PTCH1: variants seen among roughly 807,000 people sequenced by gnomAD.
PTCH1 encodes the protein protein patched homolog 1.
Under a neutral mutation model 144.6 loss-of-function variants are expected in PTCH1, and 14 were observed. That is an observed-to-expected ratio of 0.10 (90% CI 0.06 to 0.15). PTCH1 has a LOEUF of 0.15. Among genes scored for constraint, PTCH1 ranks in the 10% least tolerant of loss-of-function variants. The probability of loss-of-function intolerance (pLI) is 1.00; values close to 1 mark genes in which losing one functional copy is unlikely to be tolerated. For synonymous variants in PTCH1, 833 were observed against 793.6 expected (o/e 1.05, Z -0.83); for missense variants, 1,623 against 1,948.3 (o/e 0.83, Z 3.14).
chr9:95,463,210 C>T (rs1239266578), intron 15 of PTCH1, among the ~76,000 whole-genome samples: 1 of 152,050 alleles, frequency 6.6e-6, no homozygotes, highest in Non-Finnish European at 1.5e-5. Flanking sequence ...AATGGTTAAG[C>T]TCTTGGGGTC....
At chr9:95,511,489 G>T (rs1315962427), upstream of PTCH1, among the ~76,000 whole-genome samples, 1 of 152,196 alleles carries the variant, frequency 6.6e-6, no homozygotes, top group African/African-American at 2.4e-5. Flanking sequence ...GTTTGGGGGC[G>T]TTCGCGGGAT....
chr9:95,467,048 A>G, intron 15 of PTCH1, 68 bp downstream of exon 15: 1 of 1,525,546 alleles, frequency 6.6e-7, no homozygotes, highest in Non-Finnish European at 9.1e-7. Flanking sequence ...CATAATCATG[A>G]CAAAGGAACC....
At position 95,508,453 on chromosome 9, in the gene PTCH1, G is replaced by C. The variant is rs1587701598; in HGVS notation, c.-92C>G. On this transcript the variant is annotated 5_prime_UTR_variant, in exon 1 of 24. Coordinates refer to ENST00000331920, the MANE Select transcript of PTCH1 (RefSeq NM_000264.5). ...GCTGCTGCGGGCTCCTGGCGCGCCTGGGCGCTCGGCTTGCGAGGACGCTGC... is the reference window on the plus strand; with the variant it reads ...GCTGCTGCGGGCTCCTGGCGCGCCTCGGCGCTCGGCTTGCGAGGACGCTGC... 9.7e-7 allele frequency: 1 copy of C among 1,026,362 alleles called. No individual in the cohort carries two copies. The highest frequency in any genetic ancestry group is 1.7e-5 in the African/African-American group (1 of 58,040). The allele number at this position is 1,026,362 out of a possible 1,614,324, so 63.6% of individuals were successfully genotyped here. A position where few individuals can be genotyped will look rare whatever the true frequency, so the allele number is the denominator to read the frequency against.
intron 2 of PTCH1, among the ~76,000 whole-genome samples, chr9:95,498,048 G>C (rs1842905231): frequency 1.3e-5 from 2 of 152,130 alleles, no homozygotes; most frequent in African/African-American, 4.8e-5. Context: ...GGGGCCAGAA[G>C]CCCTTAAGCA....
intron 1 of PTCH1, 158 bp downstream of exon 1, chr9:95,508,003 C>T: frequency 6.6e-6 from 10 of 1,518,054 alleles, no homozygotes; most frequent in Non-Finnish European, 7.9e-6. Context: ...ATTTTTCAAT[C>T]CCCATTTGTC....
At chr9:95,456,071 A>G (rs1301700919) in intron 19 of PTCH1, among the ~76,000 whole-genome samples, 2 of 152,124 alleles carry the variant, frequency 1.3e-5, no homozygotes, top group Non-Finnish European at 1.5e-5. Flanking sequence ...GCCCGCTGCC[A>G]TGTACCTTCC....
chr9:95,456,587 A>C (rs981153581), intron 18 of PTCH1, among the ~76,000 whole-genome samples, 174 bp from the exon 19 acceptor site: 3 of 152,218 alleles, frequency 2.0e-5, no homozygotes, highest in African/African-American at 7.2e-5. Flanking sequence ...CCCGCTGGGA[A>C]GGGAGACTGT....
chr9:95,455,181 G>GT (rs1185143324), intron 19 of PTCH1, among the ~76,000 whole-genome samples: 1 of 152,088 alleles, frequency 6.6e-6, no homozygotes, highest in Non-Finnish European at 1.5e-5. Context: ...ATGATACACT[G>GT]TAAAAAAAAT....
intron 2 of PTCH1, among the ~76,000 whole-genome samples, chr9:95,501,755 A>G (rs1423759812): frequency 6.6e-6 from 1 of 152,194 alleles, no homozygotes; most frequent in African/African-American, 2.4e-5. Context: ...TTGACAAGAA[A>G]CTTGTTCTGA....
chr9:95,516,637 T>A, exon 1 of PTCH1: 1 of 1,609,296 alleles, frequency 6.2e-7, no homozygotes, highest in Non-Finnish European at 8.5e-7. Context: ...TCGCTGCGGG[T>A]CTCTTTGTCT....
chr9:95,481,842 T>C (rs778523996), intron 5 of PTCH1, 107 bp downstream of exon 5: 15 of 1,076,006 alleles, frequency 1.4e-5, no homozygotes, highest in Non-Finnish European at 2.1e-5. Flanking sequence ...TTTCAATGTT[T>C]TTATTTCTTG....
At chr9:95,462,208 G>T (rs1455986833) in intron 15 of PTCH1, among the ~76,000 whole-genome samples, 1 of 152,068 alleles carries the variant, frequency 6.6e-6, no homozygotes, top group Non-Finnish European at 1.5e-5. Flanking sequence ...TCAAAAGGGG[G>T]GAAGGAGATT....
chr9:95,482,401 TG>T, intron 3 of PTCH1, 198 bp from the exon 4 acceptor site: 2 of 606,892 alleles, frequency 3.3e-6, no homozygotes. Flanking sequence ...GTAATTAACA[TG>T]TAGGGTGTTT....
chr9:95,482,506 A>G (rs552553523), intron 3 of PTCH1: 14 of 432,826 alleles, frequency 3.2e-5, no homozygotes, highest in African/African-American at 2.4e-4. Flanking sequence ...GCTTTTCTAC[A>G]TACATTAAAC....
chr9:95,461,380 CA>C (rs1461101494), intron 16 of PTCH1, among the ~76,000 whole-genome samples: 1 of 152,150 alleles, frequency 6.6e-6, no homozygotes, highest in Non-Finnish European at 1.5e-5. Flanking sequence ...TCAAATGTAA[CA>C]AATCTTCCCA....
Position 95,449,867 on chromosome 9 carries a change from A to G in PTCH1, c.3523T>C (p.Leu1175=). The change falls in exon 21 of 24, where the codon TTG becomes CTG. Residue 1175 remains leucine (L), a synonymous_variant. Coordinates refer to ENST00000331920, the MANE Select transcript of PTCH1 (RefSeq NM_000264.5). This position sits in a 1 kb window ranked among gnomAD's most constrained non-coding sequence, Gnocchi z 5.3. ...LNGLVLLPVL[L]SFFGPYPEVS... is the part of the protein sequence containing the mutation. ...TCAGGATATGGTCCAAAGAAAGACA[A>G]AAGCACGGGAAGCAAAACCAGCCCA... 1 of 1,614,180 alleles carries G rather than the reference A, an allele frequency of 6.2e-7. No homozygotes were observed. Among genetic ancestry groups the G allele is most frequent in the Non-Finnish European group, 8.5e-7 (1 of 1,179,996 alleles).
chr9:95,508,034 T>G, intron 1 of PTCH1, 127 bp downstream of exon 1: 2 of 1,521,166 alleles, frequency 1.3e-6, no homozygotes, highest in Non-Finnish European at 1.8e-6. Context: ...CCTGGAGAGG[T>G]GTGAGTGAGT....
At chr9:95,473,232 A>T (rs1840731571) in intron 12 of PTCH1, among the ~76,000 whole-genome samples, 2 of 152,266 alleles carry the variant, frequency 1.3e-5, no homozygotes, top group Non-Finnish European at 2.9e-5. Flanking sequence ...GGAAAAAAAT[A>T]TCTAATTATT....
chr9:95,506,419 G>A lies in PTCH1; in HGVS notation c.382C>T (p.Leu128=), dbSNP rs772674190. The A allele has an allele frequency of 8.7e-6, 14 of 1,611,122 alleles. No individual in the cohort carries two copies. The highest frequency in any genetic ancestry group is 7.7e-5 in the South Asian group (7 of 90,820). The change falls in exon 2 of 24, where the codon CTG becomes TTG. Residue 128 remains leucine (L), a synonymous_variant. Coordinates refer to ENST00000331920, the MANE Select transcript of PTCH1 (RefSeq NM_000264.5). ...CGGGCGCTCTTACCTTCCACCCACA[G>A]CTCCTCCACGTTGGTCTCGAGGTTC... ...AANLETNVEE[L]WVEVGGRVSR... is the part of the protein sequence containing the mutation.
Sources: gnomAD v4.1 joint callset for allele counts (sites outside exome capture counted in the v4.1 genomes callset) on GRCh38, gnomAD v4.1.1 for gene constraint, Gnocchi (gnomAD v3.1) non-coding constraint, MANE v1.5 for transcripts, NCBI Gene and HGNC (gene_info 2026-07-23, HGNC 2026-07-21) for gene names.